TMLHE: variants seen among roughly 807,000 people sequenced by gnomAD.
TMLHE encodes trimethyllysine hydroxylase, epsilon, also known as trimethyllysine dioxygenase, mitochondrial.
Under a neutral mutation model 25.7 loss-of-function variants are expected in TMLHE, and 18 were observed. The ratio of observed to expected loss-of-function variants is 0.70; its 90% confidence interval spans 0.48 to 1.04. The LOEUF (loss-of-function observed/expected upper bound fraction) is 1.04. TMLHE is among the 50% of genes least tolerant of loss of function. The pLI, the probability that TMLHE is intolerant of heterozygous loss-of-function variation, is 0.00. For missense variants in TMLHE, 236 were observed against 259.0 expected, an observed-to-expected ratio of 0.91 and a Z score of 0.61; for synonymous variants, 105 against 97.0, an observed-to-expected ratio of 1.08 and a Z score of -0.49.
chrX:155,507,702 CAAG>C (rs201233171), intron 5 of TMLHE, among the ~76,000 whole-genome samples: 3,644 of 110,265 alleles, frequency 0.033, 60 homozygotes, highest in Non-Finnish European at 0.053. Context: ...TGTAAAACAA[CAAG>C]GAGTAAGAAG....
intron 1 of TMLHE, among the ~76,000 whole-genome samples, chrX:155,572,559 G>T (rs28759478): frequency 0.1 from 5,752 of 56,760 alleles, 1,587 homozygotes; most frequent in South Asian, 0.13. Context: ...CAAAGCTGGA[G>T]GCATCACGCT....
chrX:155,581,288 A>G (rs200849221), intron 1 of TMLHE, among the ~76,000 whole-genome samples: 4 of 110,955 alleles, frequency 3.6e-5, no homozygotes, highest in African/African-American at 9.8e-5. Flanking sequence ...CTCTCTCACC[A>G]CTCCTATTCA....
rs1357874190 is a variant in TMLHE at position 155,561,178 on chromosome X, G to C, written c.-1-15901C>G. On this transcript the variant is annotated intron_variant, in intron 1 of 7. Coordinates refer to ENST00000334398, the MANE Select transcript of TMLHE (RefSeq NM_018196.4). ...TGTTATAAAGGACTACCTGAAACTG[G>C]GTAATTTATAAAGAAAAGACATTTA... is the stretch of plus-strand genomic sequence containing the variant. Among the ~76,000 whole-genome samples, 3 of 61,332 alleles carry C rather than the reference G, an allele frequency of 4.9e-5. 1 individual carries two copies. Among genetic ancestry groups the C allele is most frequent in the African/African-American group, 3.6e-5 (1 of 27,617 alleles). 53.3% of individuals were successfully genotyped at this position (61,332 alleles called of 115,157 possible). A position where few individuals can be genotyped will look rare whatever the true frequency, so the allele number is the denominator to read the frequency against.
chrX:155,510,213 T>C (rs1199905994), intron 5 of TMLHE, among the ~76,000 whole-genome samples: 5 of 105,504 alleles, frequency 4.7e-5, no homozygotes, highest in Non-Finnish European at 9.8e-5. Context: ...ACTCCATTTA[T>C]ATAGTAAGAT....
rs782459563 is a variant in TMLHE, at chrX:155,565,926, G to A, written c.-1-20649C>T. Among the ~76,000 whole-genome samples, 3 of 62,034 alleles carry A rather than the reference G, an allele frequency of 4.8e-5. 1 individual carries two copies. In the South Asian group the frequency reaches 2.9e-3, roughly 60 times the overall value. 53.9% of individuals were successfully genotyped at this position (62,034 alleles called of 115,157 possible). The stretch of plus-strand genomic sequence containing the variant: ...TCTCCTGCATTGCTCTGTTGGAGAA[G>A]TCCCTTTCTCAGATGCATAGATGTT... On this transcript the variant is annotated intron_variant, in intron 1 of 7. Coordinates refer to ENST00000334398, the MANE Select transcript of TMLHE (RefSeq NM_018196.4).
At chrX:155,605,949 A>G (rs2067784398) in intron 1 of TMLHE, among the ~76,000 whole-genome samples, 1 of 111,809 alleles carries the variant, frequency 8.9e-6, no homozygotes, top group Admixed American at 9.5e-5. Context: ...AGCAGGGATT[A>G]CTATTTTAAT....
At chrX:155,605,477 C>T (rs2067781535) in intron 1 of TMLHE, among the ~76,000 whole-genome samples, 1 of 112,062 alleles carries the variant, frequency 8.9e-6, no homozygotes, top group Non-Finnish European at 1.9e-5. Flanking sequence ...CCAAGAATTT[C>T]ATATCCAGCC....
At position 155,524,450 on chromosome X, in the gene TMLHE, A is replaced by C; in HGVS notation, c.358+6T>G. The C allele has an allele frequency of 8.7e-7, 1 of 1,151,746 alleles. No individual in the cohort carries two copies. Among genetic ancestry groups the C allele is most frequent in the Non-Finnish European group, 1.2e-6 (1 of 861,776 alleles). 94.9% of individuals were successfully genotyped at this position (1,151,746 alleles called of 1,213,427 possible). Reference sequence around the variant, plus strand: ...CCAAAGAAGATCAAGTCTCCTGTCCACTCACAAGTGAAAAAGAGTGTGGTC... The same window carrying C: ...CCAAAGAAGATCAAGTCTCCTGTCCCCTCACAAGTGAAAAAGAGTGTGGTC... On this transcript the variant is annotated splice_donor_region_variant and intron_variant, in intron 3 of 7. Coordinates refer to ENST00000334398, the MANE Select transcript of TMLHE (RefSeq NM_018196.4).
chrX:155,522,120 A>C (rs1183652279), intron 3 of TMLHE, among the ~76,000 whole-genome samples: 1 of 112,279 alleles, frequency 8.9e-6, no homozygotes, highest in Non-Finnish European at 1.9e-5. Flanking sequence ...TTCGGCATAC[A>C]TTTTGCTAAT....
At chrX:155,607,950 G>C (rs993493176) in intron 1 of TMLHE, among the ~76,000 whole-genome samples, 11 of 111,805 alleles carry the variant, frequency 9.8e-5, no homozygotes, top group Non-Finnish European at 1.5e-4. Context: ...CTCACGGATA[G>C]GAAGAATCAA....
intron 2 of TMLHE, among the ~76,000 whole-genome samples, chrX:155,542,095 T>C (rs1557338286): frequency 1.8e-5 from 2 of 111,514 alleles, no homozygotes; most frequent in Admixed American, 9.6e-5. Flanking sequence ...TTGCTTTTGG[T>C]GCTTTAGTCA....
At chrX:155,531,626 C>T in intron 2 of TMLHE, among the ~76,000 whole-genome samples, 1 of 111,803 alleles carries the variant, frequency 8.9e-6, no homozygotes, top group African/African-American at 3.3e-5. Flanking sequence ...GTAAATAGCT[C>T]AAACTTCAAG....
chrX:155,534,136 G>A (rs1557337359), intron 2 of TMLHE, among the ~76,000 whole-genome samples: 1 of 111,606 alleles, frequency 9.0e-6, no homozygotes, highest in African/African-American at 3.3e-5. Flanking sequence ...AAAGAACAGA[G>A]AAAATGGGAC....
rs1482318840 is a variant in TMLHE, at chrX:155,569,944, C to A, written c.-1-24667G>T. 1.1e-4 allele frequency among the ~76,000 whole-genome samples: 6 copies of A among 56,021 alleles called. 2 individuals are homozygous for A. The highest frequency in any genetic ancestry group is 2.6e-4 in the African/African-American group (6 of 23,280). The allele number at this position is 56,021 out of a possible 115,157, so 48.6% of individuals were successfully genotyped here. A position where few individuals can be genotyped will look rare whatever the true frequency, so the allele number is the denominator to read the frequency against. On this transcript the variant is annotated intron_variant, in intron 1 of 7. Coordinates refer to ENST00000334398, the MANE Select transcript of TMLHE (RefSeq NM_018196.4). ...TGCATCAACTAACGAGCAAAATAAC[C>A]AGCTAACATCATAATGACAGGATCA...
chrX:155,607,296 C>T (rs2067504268), intron 1 of TMLHE, among the ~76,000 whole-genome samples: 1 of 112,172 alleles, frequency 8.9e-6, no homozygotes, highest in African/African-American at 3.2e-5. Flanking sequence ...TGTTATTAAT[C>T]ACATAAACAA....
chrX:155,588,014 G>C (rs782670527), intron 1 of TMLHE, among the ~76,000 whole-genome samples: 16 of 111,533 alleles, frequency 1.4e-4, no homozygotes, highest in African/African-American at 5.2e-4. Context: ...AATTTGTATG[G>C]AACTAAAACA....
chrX:155,548,649 C>G lies in TMLHE; in HGVS notation c.-1-3372G>C, dbSNP rs145325414. Among the ~76,000 whole-genome samples, 11 of 108,190 alleles carry G rather than the reference C, an allele frequency of 1.0e-4. No homozygotes were observed. The South Asian group carries it at 1.7e-3, about 16-fold the overall frequency. The allele number at this position is 108,190 out of a possible 115,157, so 93.9% of individuals were successfully genotyped here. On this transcript the variant is annotated intron_variant, in intron 1 of 7. Transcript: ENST00000334398. Reference sequence around the variant, plus strand: ...ACTCAGGAGGCTGAGGCAGGAGAATCGCTTGAACCCAGGAGGCAAAGGTTG... The same window carrying G: ...ACTCAGGAGGCTGAGGCAGGAGAATGGCTTGAACCCAGGAGGCAAAGGTTG...
At position 155,507,221 on chromosome X, in the gene TMLHE, A is replaced by C. The variant is rs150639790; in HGVS notation, c.759-87T>G. The stretch of plus-strand genomic sequence containing the variant: ...AATTATATATAAAATGATTACTGAA[A>C]CTACTTGTCATTTTCTTTTCATTTC... On this transcript the variant is annotated intron_variant, in intron 5 of 7. Transcript: ENST00000334398. 1,093 of 612,290 alleles carry C rather than the reference A, an allele frequency of 1.8e-3. 10 individuals carry two copies. In the African/African-American group the frequency reaches 0.023, roughly 13 times the overall value. 50.5% of individuals were successfully genotyped at this position (612,290 alleles called of 1,213,427 possible).
chrX:155,544,967 G>C, intron 2 of TMLHE, 129 bp downstream of exon 2: 1 of 659,004 alleles, frequency 1.5e-6, no homozygotes, highest in Non-Finnish European at 2.3e-6. Flanking sequence ...AAATGGTTAA[G>C]ATAGTAAATT....
Sources: gnomAD v4.1 joint callset for allele counts (sites outside exome capture counted in the v4.1 genomes callset) on GRCh38, gnomAD v4.1.1 for gene constraint, MANE v1.5 for transcripts, NCBI Gene and HGNC (gene_info 2026-07-23, HGNC 2026-07-21) for gene names.